Variants in SLAIN1 observed in about 807,000 individuals in gnomAD.
SLAIN1 encodes SLAIN family member 1, also known as SLAIN motif-containing protein 1.
Under a neutral mutation model 55.4 loss-of-function variants are expected in SLAIN1, and 17 were observed. The observed-to-expected ratio is 0.31, with a 90% CI of 0.21 to 0.46. The LOEUF (loss-of-function observed/expected upper bound fraction) is 0.46, where lower values mean the gene tolerates loss of function less well. SLAIN1 is among the 20% of genes least tolerant of loss of function. The pLI is 1.00. For missense variants in SLAIN1, 682 were observed against 785.1 expected (o/e 0.87, Z 1.57); for synonymous variants, 348 against 337.4 (o/e 1.03, Z -0.35).
At chr13:77,755,987 A>T (rs1420495479) in intron 5 of SLAIN1, among the ~76,000 whole-genome samples, 1 of 152,162 alleles carries the variant, frequency 6.6e-6, no homozygotes, top group Non-Finnish European at 1.5e-5. Flanking sequence ...CAGAGGTAGG[A>T]TAGAGAGTTG....
rs140407641 is a variant in SLAIN1, at chr13:77,746,545, A to C, written c.948A>C (p.Ala316=). The part of the protein sequence containing the change: ...SLRQDYASTS[A]SVSRHSSSVS... ...GGCAAGATTATGCTTCTACTTCAGC[A>C]TCTGTATCAAGACATAGTTCCAGTG... Residue 316 remains alanine (A), a synonymous_variant, in exon 4 of 7, where the codon GCA becomes GCC. Coordinates refer to ENST00000418532, the MANE Select transcript of SLAIN1 (RefSeq NM_001242868.2). The C allele has an allele frequency of 6.2e-7, 1 of 1,609,622 alleles. No homozygotes were observed. The highest frequency in any genetic ancestry group is 8.5e-7 in the Non-Finnish European group (1 of 1,176,420).
chr13:77,746,848 C>A lies in SLAIN1; in HGVS notation c.1251C>A (p.Thr417=). Residue 417 remains threonine, a synonymous_variant, in exon 4 of 7, where the codon ACC becomes ACA. Coordinates refer to ENST00000418532, the MANE Select transcript of SLAIN1 (RefSeq NM_001242868.2). ...AQTPDQQPNR[T]NGDKLRRSMP... is the part of the protein sequence containing the mutation. ...CTCCAGATCAGCAACCAAATAGGACCAATGGAGGTAGGTTGTATGCTTTTT... is the reference window on the plus strand; with the variant it reads ...CTCCAGATCAGCAACCAAATAGGACAAATGGAGGTAGGTTGTATGCTTTTT... 6.2e-7 allele frequency: 1 copy of A among 1,609,684 alleles called. No homozygotes were observed. The highest frequency in any genetic ancestry group is 1.1e-5 in the South Asian group (1 of 90,816).
rs138272504 is a variant in SLAIN1, at chr13:77,720,291, T to G, written c.766+620T>G. Among the ~76,000 whole-genome samples the G allele has an allele frequency of 7.9e-3, 1,205 of 152,258 alleles. 18 individuals are homozygous for G. Among genetic ancestry groups the G allele is most frequent in the African/African-American group, 0.027 (1,124 of 41,548 alleles). On this transcript the variant is annotated intron_variant, in intron 2 of 6. Transcript: ENST00000418532. ...TGTAATTATGTAGGCTTTTGGCTTG[T>G]CTCTTAACCTCTGGGCATCTGTTTG...
intron 2 of SLAIN1, among the ~76,000 whole-genome samples, chr13:77,729,901 CTGTGTGTG>C (rs146215187): frequency 1.3e-5 from 2 of 150,410 alleles, no homozygotes; most frequent in African/African-American, 4.9e-5. Flanking sequence ...GCCAGTAACT[CTGTGTGTG>C]TGTGTGTGTG....
In SLAIN1 at chr13:77,755,213, G is replaced by GA. The variant is rs549458153; in HGVS notation, c.1414+1857dup. ...ACATGTCAGTAGTCCTAGCTACTTG[G>GA]AAGGCCAAGGTAGGAGGATCACTTG... On this transcript the variant is annotated intron_variant, in intron 5 of 6. Coordinates refer to ENST00000418532, the MANE Select transcript of SLAIN1 (RefSeq NM_001242868.2). Among the ~76,000 whole-genome samples, 21 of 152,186 alleles carry GA rather than the reference G, an allele frequency of 1.4e-4. 2 individuals carry two copies. In the East Asian group the frequency reaches 3.9e-3, roughly 28 times the overall value.
chr13:77,701,670 A>G (rs76278160), intron 1 of SLAIN1, among the ~76,000 whole-genome samples: 1,829 of 152,256 alleles, frequency 0.012, 36 homozygotes, highest in African/African-American at 0.042. Flanking sequence ...TTATCTTAGC[A>G]CAGTATTGCT....
At chr13:77,736,195 A>G (rs1195375366) in intron 2 of SLAIN1, among the ~76,000 whole-genome samples, 1 of 152,102 alleles carries the variant, frequency 6.6e-6, no homozygotes, top group African/African-American at 2.4e-5. Flanking sequence ...GCCTTTTACT[A>G]CATGAGGTTC....
intron 2 of SLAIN1, chr13:77,741,615 G>T: frequency 5.9e-6 from 1 of 170,226 alleles, no homozygotes; most frequent in Non-Finnish European, 1.2e-5. Context: ...GTTAGAATGT[G>T]TTGGTACGTA....
intron 5 of SLAIN1, among the ~76,000 whole-genome samples, chr13:77,755,629 T>A (rs978860212): frequency 6.6e-6 from 1 of 152,250 alleles, no homozygotes. Flanking sequence ...ATAATTATAG[T>A]AATGGATTAT....
intron 1 of SLAIN1, among the ~76,000 whole-genome samples, chr13:77,702,428 A>G (rs977426306): frequency 1.6e-4 from 25 of 152,098 alleles, no homozygotes; most frequent in African/African-American, 5.6e-4. Context: ...TGCTTTTTCT[A>G]TCTTTATGGA....
chr13:77,762,277 T>A lies in SLAIN1; in HGVS notation c.1698-868T>A, dbSNP rs535102991. On this transcript the variant is annotated intron_variant, in intron 6 of 6. Coordinates refer to ENST00000418532, the MANE Select transcript of SLAIN1 (RefSeq NM_001242868.2). ...GTATATGGTTATTGTAGACCATACA[T>A]TTATCCTTGACTATGTGTCTCCAAA... 4.0e-4 allele frequency among the ~76,000 whole-genome samples: 61 copies of A among 152,324 alleles called. 1 individual carries two copies. In the South Asian group the frequency reaches 0.012, roughly 31 times the overall value.
At chr13:77,752,727 G>T (rs1874321918) in intron 4 of SLAIN1, among the ~76,000 whole-genome samples, 1 of 152,182 alleles carries the variant, frequency 6.6e-6, no homozygotes, top group South Asian at 2.1e-4. Flanking sequence ...AAGTCCAAGA[G>T]TCCACAAGCT....
chr13:77,706,169 A>G (rs2091088071), intron 1 of SLAIN1, among the ~76,000 whole-genome samples: 1 of 152,034 alleles, frequency 6.6e-6, no homozygotes, highest in South Asian at 2.1e-4. Flanking sequence ...GATCTTAGAC[A>G]TCTATGGACT....
At position 77,719,573 on chromosome 13, in the gene SLAIN1, A is replaced by G. The variant is rs1320245185; in HGVS notation, c.668A>G (p.Lys223Arg). The change falls in exon 2 of 7, where the codon AAA (lysine) becomes AGA (arginine). Residue 223 changes from lysine (K) to arginine (R), a missense_variant. Lys to Arg is a conservative substitution (Grantham distance 26). Transcript: ENST00000418532. ...TCAAAGACGTTCACCTCATCAGAGA[A>G]ATCCCTGACTCCTTTGCAGTGGTGT... Reference protein sequence around the residue: ...GSSKTFTSSEKSLTPLQWCRH... With the variant: ...GSSKTFTSSERSLTPLQWCRH... 6.2e-7 allele frequency: 1 copy of G among 1,613,274 alleles called. No homozygotes were observed. The highest frequency in any genetic ancestry group is 1.3e-5 in the African/African-American group (1 of 74,860).
At chr13:77,703,324 T>C (rs1357489099) in intron 1 of SLAIN1, among the ~76,000 whole-genome samples, 2 of 152,140 alleles carry the variant, frequency 1.3e-5, no homozygotes, top group African/African-American at 4.8e-5. Flanking sequence ...CTAACATCAT[T>C]GCCAATTTTT....
chr13:77,718,978 G>A (rs1046222425), intron 1 of SLAIN1, among the ~76,000 whole-genome samples: 2 of 152,058 alleles, frequency 1.3e-5, no homozygotes, highest in Non-Finnish European at 2.9e-5. Flanking sequence ...TGGCTTTAAT[G>A]AAAAAGAAAC....
At chr13:77,726,226 ACAG>A (rs1208475540) in intron 2 of SLAIN1, among the ~76,000 whole-genome samples, 15 of 152,266 alleles carry the variant, frequency 9.9e-5, no homozygotes, top group African/African-American at 3.6e-4. Flanking sequence ...TTGTAGGGAG[ACAG>A]CACCTGCATT....
intron 2 of SLAIN1, among the ~76,000 whole-genome samples, chr13:77,743,659 C>G: frequency 6.6e-6 from 1 of 150,754 alleles, no homozygotes; most frequent in East Asian, 1.9e-4. Context: ...TTCTTTGGTT[C>G]TTTTATCTGA....
chr13:77,702,113 C>T (rs1284612077), intron 1 of SLAIN1, among the ~76,000 whole-genome samples: 4 of 150,750 alleles, frequency 2.7e-5, no homozygotes, highest in African/African-American at 9.8e-5. Context: ...TTTTTTATGG[C>T]TGCATAGTAT....
Sources: allele counts gnomAD v4.1 joint callset (sites outside exome capture counted in the v4.1 genomes callset), GRCh38; gene constraint gnomAD v4.1.1; transcripts MANE v1.5; gene names NCBI Gene and HGNC (gene_info 2026-07-23, HGNC 2026-07-21).